The following PKD1L3 variants were observed in gnomAD, a reference collection of about 807,000 sequenced individuals.
PKD1L3 encodes polycystin 1 like 3, transient receptor potential channel interacting, also known as polycystin-1-like protein 3.
A neutral mutation model predicts 184.1 loss-of-function variants in PKD1L3; 239 were observed. The observed-to-expected ratio is 1.30, with a 90% CI of 1.17 to 1.45. The LOEUF (loss-of-function observed/expected upper bound fraction) is 1.45, where lower values mean the gene tolerates loss of function less well. Ranked by LOEUF, PKD1L3 falls within the 40% of genes most tolerant of loss-of-function variation. The pLI, the probability that PKD1L3 is intolerant of heterozygous loss-of-function variation, is 0.00. For synonymous variants in PKD1L3, 996 were observed against 778.8 expected, an observed-to-expected ratio of 1.28 and a Z score of -4.64; for missense variants, 2,660 against 2,067.2, an observed-to-expected ratio of 1.29 and a Z score of -5.56.
chr16:71,968,150 C>T (rs760652319), intron 13 of PKD1L3, 143 bp from the exon 14 acceptor site: 1 of 640,584 alleles, frequency 1.6e-6, no homozygotes, highest in Non-Finnish European at 2.7e-6. Flanking sequence ...GGGCAGCAGA[C>T]AGACACATGA....
chr16:72,000,059 C>T lies in PKD1L3; in HGVS notation c.-81G>A. 8.5e-7 allele frequency: 1 copy of T among 1,171,314 alleles called. No homozygotes were observed. Among genetic ancestry groups the T allele is most frequent in the East Asian group, 2.7e-5 (1 of 37,202 alleles). The allele number at this position is 1,171,314 out of a possible 1,614,324, so 72.6% of individuals were successfully genotyped here. ...TAAATATATATATTGGCGGGCTTGT[C>T]TTATTAGTATTATTCTTTTATGAAT... On this transcript the variant is annotated 5_prime_UTR_variant, in exon 1 of 30. Coordinates refer to ENST00000620267, the MANE Select transcript of PKD1L3 (RefSeq NM_181536.2).
intron 3 of PKD1L3, among the ~76,000 whole-genome samples, chr16:71,992,917 T>C (rs1039676187): frequency 6.6e-6 from 1 of 152,208 alleles, no homozygotes; most frequent in Non-Finnish European, 1.5e-5. Context: ...GATAACACCA[T>C]AATTTGAAAG....
At chr16:71,990,648 T>C (rs746093005) in intron 3 of PKD1L3, among the ~76,000 whole-genome samples, 20 of 151,898 alleles carry the variant, frequency 1.3e-4, no homozygotes, top group Non-Finnish European at 2.5e-4. Context: ...GCAGGACAAT[T>C]GTTTGAACCT....
At chr16:71,934,185 C>A (rs768687827) in intron 26 of PKD1L3, 60 bp from the exon 27 acceptor site, 27 of 1,482,582 alleles carry the variant, frequency 1.8e-5, no homozygotes, top group Non-Finnish European at 2.5e-5. Context: ...CTGCAGTTTC[C>A]CCAGCGCCCC....
In PKD1L3 at chr16:71,930,113, A is replaced by T; in HGVS notation, c.4997T>A (p.Val1666Glu). The T allele has an allele frequency of 6.4e-6, 10 of 1,551,638 alleles. No homozygotes were observed. Among genetic ancestry groups the T allele is most frequent in the Non-Finnish European group, 8.7e-6 (10 of 1,146,922 alleles). The change falls in exon 29 of 30, where the codon GTA (valine) becomes GAA (glutamate). Residue 1666 changes from valine (V) to glutamate (E), a missense_variant. Coordinates refer to ENST00000620267, the MANE Select transcript of PKD1L3 (RefSeq NM_181536.2). ...LTSVILMVLV[V>E]INLFVSAILM... ...AATGGCCGAAACGAAAAGATTAATT[A>T]CCACAAGTACCATCAAGATGACACT...
chr16:71,942,589 T>C lies in PKD1L3; in HGVS notation c.4295A>G (p.Asn1432Ser). The C allele has an allele frequency of 6.4e-7, 1 of 1,551,646 alleles. No homozygotes were observed. The highest frequency in any genetic ancestry group is 8.7e-7 in the Non-Finnish European group (1 of 1,146,978). Residue 1432 changes from asparagine (N) to serine (S), a missense_variant, in exon 24 of 30, where the codon AAT becomes AGT. By Grantham distance (46) the Asn-to-Ser change is conservative. Transcript: ENST00000620267. ...CATGATGTAACTGAATCCATTCTCA[T>C]TCTTGCTTGTCAGCCTTTCGTGAAG... is the stretch of plus-strand genomic sequence containing the variant. ...DELHERLTSK[N>S]ENGFSYIMRG...
At chr16:71,973,240 C>A in intron 12 of PKD1L3, 84 bp downstream of exon 12, 1 of 1,409,404 alleles carries the variant, frequency 7.1e-7, no homozygotes. Context: ...TCTTTCTGGG[C>A]TGCCCCAAAT....
chr16:71,971,013 C>T (rs1597341849), intron 12 of PKD1L3, among the ~76,000 whole-genome samples: 1 of 152,120 alleles, frequency 6.6e-6, no homozygotes, highest in Admixed American at 6.6e-5. Context: ...GTTCATGAGG[C>T]GATTGTCTTG....
chr16:71,935,762 C>G (rs893054652), intron 25 of PKD1L3, among the ~76,000 whole-genome samples: 1 of 152,216 alleles, frequency 6.6e-6, no homozygotes, highest in South Asian at 2.1e-4. Flanking sequence ...TCTTGGAGAT[C>G]ATAAACTGTC....
intron 11 of PKD1L3, among the ~76,000 whole-genome samples, chr16:71,976,995 G>A (rs549498235): frequency 4.6e-5 from 7 of 152,028 alleles, no homozygotes; most frequent in South Asian, 2.1e-4. Context: ...TGCCCGCCTC[G>A]GCCTCCCAAA....
chr16:71,984,598 G>T (rs571782783), intron 5 of PKD1L3, among the ~76,000 whole-genome samples: 2 of 152,232 alleles, frequency 1.3e-5, no homozygotes, highest in Non-Finnish European at 2.9e-5. Flanking sequence ...GATGGCTCAC[G>T]CCTGTCATCC....
At chr16:71,973,577 T>G in intron 11 of PKD1L3, 60 bp from the exon 12 acceptor site, 3 of 1,391,174 alleles carry the variant, frequency 2.2e-6, no homozygotes, top group Non-Finnish European at 2.9e-6. Flanking sequence ...CCAATGAACC[T>G]CTCTTCTAAA....
intron 13 of PKD1L3, among the ~76,000 whole-genome samples, chr16:71,968,969 G>C (rs2039605877): frequency 6.6e-6 from 1 of 151,308 alleles, no homozygotes; most frequent in South Asian, 2.1e-4. Flanking sequence ...CTGTCGGCCA[G>C]GCTGGAGTGC....
At chr16:71,935,238 T>C (rs1200464053) in intron 26 of PKD1L3, 120 bp downstream of exon 26, 1 of 1,132,522 alleles carries the variant, frequency 8.8e-7, no homozygotes, top group Admixed American at 2.9e-5. Context: ...CAAGTTCTCT[T>C]TTAACTCTAA....
At chr16:71,983,497 T>C (rs554626869) in intron 6 of PKD1L3, among the ~76,000 whole-genome samples, 10 of 152,100 alleles carry the variant, frequency 6.6e-5, no homozygotes, top group Admixed American at 1.3e-4. Context: ...TACCAGCTGA[T>C]TAATCAACAA....
intron 22 of PKD1L3, among the ~76,000 whole-genome samples, chr16:71,945,428 A>T (rs906418594): frequency 2.1e-5 from 3 of 143,854 alleles, no homozygotes; most frequent in African/African-American, 5.3e-5. Flanking sequence ...ATTTATTTAT[A>T]TATGTATTGG....
At chr16:71,949,486 G>A (rs780293463) in intron 21 of PKD1L3, among the ~76,000 whole-genome samples, 9 of 151,778 alleles carry the variant, frequency 5.9e-5, no homozygotes, top group Admixed American at 1.3e-4. Flanking sequence ...TAAGTAGCTG[G>A]AACTATAGGA....
At chr16:71,932,198 C>T (rs1336984893) in intron 28 of PKD1L3, among the ~76,000 whole-genome samples, 1 of 152,228 alleles carries the variant, frequency 6.6e-6, no homozygotes, top group Non-Finnish European at 1.5e-5. Flanking sequence ...AATTCTAGAT[C>T]ATTAGAATGA....
intron 19 of PKD1L3, among the ~76,000 whole-genome samples, 185 bp downstream of exon 19, chr16:71,951,375 TAGAG>T (rs1241160857): frequency 6.6e-6 from 1 of 152,152 alleles, no homozygotes; most frequent in Non-Finnish European, 1.5e-5. Context: ...TTTCACCAGA[TAGAG>T]AAAGATTGTC....
Sources: gnomAD v4.1 joint callset for allele counts (sites outside exome capture counted in the v4.1 genomes callset) on GRCh38, gnomAD v4.1.1 for gene constraint, MANE v1.5 for transcripts, NCBI Gene and HGNC (gene_info 2026-07-23, HGNC 2026-07-21) for gene names.